AKAP9: variants seen among roughly 807,000 people sequenced by gnomAD.
AKAP9 encodes A-kinase anchoring protein 9.
Under a neutral mutation model 488.5 loss-of-function variants are expected in AKAP9, and 311 were observed. The ratio of observed to expected loss-of-function variants is 0.64; its 90% CI spans 0.58 to 0.70. The LOEUF (loss-of-function observed/expected upper bound fraction) is 0.70, where lower values mean the gene tolerates loss of function less well. Ranked by LOEUF, AKAP9 falls within the 30% of genes least tolerant of loss-of-function variation. The pLI is 0.00. For synonymous variants in AKAP9, 1,462 were observed against 1,483.5 expected, an observed-to-expected ratio of 0.99 and a Z score of 0.33; for missense variants, 4,215 against 4,374.5, an observed-to-expected ratio of 0.96 and a Z score of 1.03.
intron 1 of AKAP9, among the ~76,000 whole-genome samples, chr7:91,946,035 C>T (rs1476019224): frequency 6.6e-6 from 1 of 152,122 alleles, no homozygotes; most frequent in Admixed American, 6.5e-5. Flanking sequence ...AATTACATGA[C>T]TTTTGTTTAA....
intron 14 of AKAP9, among the ~76,000 whole-genome samples, chr7:92,028,295 T>TAAAAAAAAAAA (rs57352733): frequency 3.1e-4 from 20 of 65,084 alleles, no homozygotes; most frequent in Middle Eastern, 0.011. Flanking sequence ...CAATAAATAC[T>TAAAAAAAAAAA]AAAAAAAAAA....
chr7:92,014,703 A>G (rs1191096213), intron 10 of AKAP9, among the ~76,000 whole-genome samples: 6 of 152,222 alleles, frequency 3.9e-5, no homozygotes, highest in Non-Finnish European at 8.8e-5. Context: ...GTAAGTTGCT[A>G]CTAATTTAAT....
intron 14 of AKAP9, among the ~76,000 whole-genome samples, chr7:92,026,474 G>T (rs866844837): frequency 3.9e-5 from 6 of 152,198 alleles, no homozygotes; most frequent in Middle Eastern, 3.4e-3. Context: ...GCCTGGGATT[G>T]CAGTCACGCG....
rs1325376451 is a variant in AKAP9, at chr7:92,097,799, G to C, written c.10607+5G>C. The C allele has an allele frequency of 6.2e-7, 1 of 1,613,800 alleles. No homozygotes were observed. The highest frequency in any genetic ancestry group is 1.7e-5 in the Admixed American group (1 of 60,034). On this transcript the variant is annotated splice_donor_5th_base_variant and intron_variant, in intron 42 of 49. Transcript: ENST00000356239. ...ACCCCAGAAAGCCTCTGAGAGGTTA[G>C]ACTTTTCTGCCTGATCTTTGGGAAA...
chr7:92,029,292 C>A (rs553578177), intron 14 of AKAP9, among the ~76,000 whole-genome samples: 1 of 152,196 alleles, frequency 6.6e-6, no homozygotes, highest in South Asian at 2.1e-4. Context: ...AATTAAGATT[C>A]TTCTCTTTAC....
chr7:92,087,834 A>C (rs932341815), intron 37 of AKAP9, among the ~76,000 whole-genome samples: 3 of 151,628 alleles, frequency 2.0e-5, no homozygotes, highest in African/African-American at 7.3e-5. Context: ...GACAAATTAT[A>C]AGCCAAAGAG....
intron 14 of AKAP9, among the ~76,000 whole-genome samples, chr7:92,024,429 A>ATG (rs201995064): frequency 0.024 from 3,178 of 131,780 alleles, 107 homozygotes; most frequent in African/African-American, 0.08. Flanking sequence ...TATATATATT[A>ATG]TGTGTGTGTG....
At chr7:92,052,616 A>G in intron 21 of AKAP9, 110 bp from the exon 22 acceptor site, 1 of 746,426 alleles carries the variant, frequency 1.3e-6, no homozygotes, top group South Asian at 1.9e-5. Flanking sequence ...TATTGTTTTA[A>G]AAGACCTTAC....
intron 24 of AKAP9, chr7:92,063,405 GAC>G (rs1272028308): frequency 4.5e-5 from 42 of 931,096 alleles, no homozygotes; most frequent in Non-Finnish European, 5.4e-5. Context: ...GGAAGTAGAA[GAC>G]ATATAAATTA....
At chr7:91,958,248 T>G (rs566500104) in intron 1 of AKAP9, among the ~76,000 whole-genome samples, 1 of 152,234 alleles carries the variant, frequency 6.6e-6, no homozygotes, top group Non-Finnish European at 1.5e-5. Flanking sequence ...AAGGGAATAA[T>G]GTATAATGTA....
At chr7:92,024,848 C>T (rs1019127359) in intron 14 of AKAP9, among the ~76,000 whole-genome samples, 1 of 152,176 alleles carries the variant, frequency 6.6e-6, no homozygotes, top group East Asian at 1.9e-4. Context: ...TGGAACTAGT[C>T]GTTACTCTTT....
intron 31 of AKAP9, among the ~76,000 whole-genome samples, chr7:92,081,136 A>AT (rs1013928075): frequency 1.3e-5 from 2 of 151,972 alleles, no homozygotes; most frequent in Non-Finnish European, 2.9e-5. Context: ...ATTTATGGGG[A>AT]TTTTTTTCTT....
At chr7:92,060,575 T>G (rs1193006048) in intron 22 of AKAP9, among the ~76,000 whole-genome samples, 1 of 152,154 alleles carries the variant, frequency 6.6e-6, no homozygotes, top group African/African-American at 2.4e-5. Flanking sequence ...AAAAATTGTT[T>G]AAGAATGTAG....
chr7:92,027,620 CGCCCCGTCTGGG>C (rs1803512436), intron 14 of AKAP9, among the ~76,000 whole-genome samples: 4 of 112,344 alleles, frequency 3.6e-5, no homozygotes, highest in Admixed American at 1.7e-4. Flanking sequence ...TCTGCCTGGC[CGCCCCGTCTGGG>C]ATGTGAGGAG....
At chr7:92,033,122 A>G (rs953659500) in intron 16 of AKAP9, among the ~76,000 whole-genome samples, 2 of 152,214 alleles carry the variant, frequency 1.3e-5, no homozygotes, top group African/African-American at 2.4e-5. Flanking sequence ...TACTGTGATA[A>G]TGGTGGTAAC....
chr7:91,984,000 T>C (rs1796758519), intron 3 of AKAP9, among the ~76,000 whole-genome samples: 2 of 152,224 alleles, frequency 1.3e-5, no homozygotes, highest in Non-Finnish European at 2.9e-5. Flanking sequence ...CTTGTAAATT[T>C]GTTTAAGTTC....
At chr7:91,958,877 C>T (rs924544717) in intron 1 of AKAP9, among the ~76,000 whole-genome samples, 3 of 150,746 alleles carry the variant, frequency 2.0e-5, no homozygotes, top group Non-Finnish European at 3.0e-5. Flanking sequence ...TTGAAAACAT[C>T]ATTATTATTA....
chr7:91,979,532 C>T (rs1160878657), intron 2 of AKAP9, among the ~76,000 whole-genome samples: 2 of 152,192 alleles, frequency 1.3e-5, no homozygotes, highest in African/African-American at 4.8e-5. Flanking sequence ...TATAGTCCAA[C>T]ACCCCCAGTG....
chr7:91,983,854 A>C (rs1796741231), intron 3 of AKAP9, among the ~76,000 whole-genome samples: 2 of 152,122 alleles, frequency 1.3e-5, no homozygotes, highest in Non-Finnish European at 2.9e-5. Context: ...ATAGTATCTC[A>C]TTGTGGTTTT....
Sources: gnomAD v4.1 joint callset for allele counts (sites outside exome capture counted in the v4.1 genomes callset) on GRCh38, gnomAD v4.1.1 for gene constraint, MANE v1.5 for transcripts, NCBI Gene and HGNC (gene_info 2026-07-23, HGNC 2026-07-21) for gene names.